Variants in NEDD4L observed in about 807,000 individuals in gnomAD.
NEDD4L encodes the protein NEDD4 like E3 ubiquitin protein ligase, also known as E3 ubiquitin-protein ligase NEDD4-like.
In NEDD4L, 54 loss-of-function variants were observed where a neutral mutation model predicts 148.9. That is an observed-to-expected ratio of 0.36 (90% CI 0.29 to 0.45). The LOEUF (loss-of-function observed/expected upper bound fraction) is 0.45, where lower values mean the gene tolerates loss of function less well. Ranked by LOEUF, NEDD4L falls within the 20% of genes least tolerant of loss-of-function variation. The pLI is 1.00. For missense variants in NEDD4L, 856 were observed against 1,233.8 expected, an observed-to-expected ratio of 0.69 and a Z score of 4.59; for synonymous variants, 433 against 440.7, an observed-to-expected ratio of 0.98 and a Z score of 0.22.
intron 5 of NEDD4L, chr18:58,255,516 G>C: frequency 8.1e-7 from 1 of 1,231,078 alleles, no homozygotes; most frequent in Non-Finnish European, 1.0e-6. Flanking sequence ...TCCCGGTGCC[G>C]CAGTGCTAAC....
At chr18:58,045,816 A>T (rs1425812740) in intron 1 of NEDD4L, 1 of 152,236 alleles carries the variant, frequency 6.6e-6, no homozygotes. Context: ...TGTGCATTTC[A>T]TGAAAAGTTG....
chr18:58,147,996 T>C (rs1331505239), intron 1 of NEDD4L, among the ~76,000 whole-genome samples: 1 of 151,990 alleles, frequency 6.6e-6, no homozygotes, highest in African/African-American at 2.4e-5. Flanking sequence ...GGTCAGGCCA[T>C]GTGCCCAGGG....
chr18:58,110,521 A>C (rs573603138), intron 1 of NEDD4L, among the ~76,000 whole-genome samples: 5 of 152,316 alleles, frequency 3.3e-5, no homozygotes, highest in East Asian at 1.9e-4. Context: ...AGCCAGGGTG[A>C]GACTCTCTGG....
intron 2 of NEDD4L, among the ~76,000 whole-genome samples, chr18:58,243,081 G>A (rs949952836): frequency 8.5e-5 from 13 of 152,196 alleles, no homozygotes; most frequent in Non-Finnish European, 1.8e-4. Context: ...GCTATTCAAG[G>A]GATACAGACT....
intron 2 of NEDD4L, among the ~76,000 whole-genome samples, chr18:58,185,994 A>C (rs1015239805): frequency 2.6e-5 from 4 of 152,314 alleles, no homozygotes; most frequent in African/African-American, 9.6e-5. Context: ...ACACGTACAG[A>C]GAAGGATGCA....
At position 58,044,678 on chromosome 18, in the gene NEDD4L, G is replaced by A. The variant is rs2081490055; in HGVS notation, c.18G>A (p.Gly6=). 6.2e-7 allele frequency: 1 copy of A among 1,605,008 alleles called. No individual in the cohort carries two copies. The change falls in exon 1 of 31, where the codon GGG becomes GGA. Residue 6 remains glycine (G), a synonymous_variant. Coordinates refer to ENST00000400345, the MANE Select transcript of NEDD4L (RefSeq NM_001144967.3). MATGL[G]EPVYGLSEDE... ...CCGGCTCCATGGCGACCGGGCTCGGGGAGCCGGTCTATGGACTTTCCGAAG... is the reference window on the plus strand; with the variant it reads ...CCGGCTCCATGGCGACCGGGCTCGGAGAGCCGGTCTATGGACTTTCCGAAG...
At chr18:58,074,519 C>T (rs2083064396) in intron 1 of NEDD4L, among the ~76,000 whole-genome samples, 1 of 149,792 alleles carries the variant, frequency 6.7e-6, no homozygotes, top group South Asian at 2.2e-4. Context: ...GTGATCCGCT[C>T]ACCTCGGCCT....
At chr18:58,195,574 C>G in intron 2 of NEDD4L, 1 of 1,339,832 alleles carries the variant, frequency 7.5e-7, no homozygotes, top group Non-Finnish European at 9.8e-7. Flanking sequence ...CAGCACGGCA[C>G]CTCCCACTCC....
intron 16 of NEDD4L, among the ~76,000 whole-genome samples, chr18:58,348,577 G>A (rs1193449631): frequency 6.6e-6 from 1 of 152,028 alleles, no homozygotes; most frequent in Non-Finnish European, 1.5e-5. Flanking sequence ...GCCTCCCAAA[G>A]TGCTGGGATT....
intron 2 of NEDD4L, among the ~76,000 whole-genome samples, chr18:58,184,471 C>T (rs552109582): frequency 2.0e-5 from 3 of 152,142 alleles, no homozygotes; most frequent in South Asian, 2.1e-4. Context: ...CATCCGTCAT[C>T]TTAGGAGGTA....
chr18:58,059,731 A>G (rs910004253), intron 1 of NEDD4L, among the ~76,000 whole-genome samples: 2 of 152,314 alleles, frequency 1.3e-5, no homozygotes, highest in South Asian at 4.1e-4. Context: ...GTTAGTAACA[A>G]TGTATTCTTC....
chr18:58,221,436 C>A, intron 2 of NEDD4L: 1 of 416,476 alleles, frequency 2.4e-6, no homozygotes, highest in African/African-American at 2.2e-5. Flanking sequence ...AATTGCTGAG[C>A]TGGGTGGAGC....
At chr18:58,064,562 A>G (rs543130454) in intron 1 of NEDD4L, among the ~76,000 whole-genome samples, 1 of 152,212 alleles carries the variant, frequency 6.6e-6, no homozygotes, top group East Asian at 1.9e-4. Flanking sequence ...TCCTTTATTC[A>G]AACTTCTCTT....
intron 1 of NEDD4L, among the ~76,000 whole-genome samples, chr18:58,114,340 T>TAA (rs747426397): frequency 2.8e-3 from 419 of 150,014 alleles, no homozygotes; most frequent in African/African-American, 6.8e-3. Flanking sequence ...TTGGGAGATT[T>TAA]AAAAAAAATA....
chr18:58,325,619 T>G (rs946224273), intron 9 of NEDD4L, among the ~76,000 whole-genome samples: 1 of 151,980 alleles, frequency 6.6e-6, no homozygotes, highest in Non-Finnish European at 1.5e-5. Flanking sequence ...ACCTCAAAAA[T>G]TTTTTTTTCT....
intron 2 of NEDD4L, among the ~76,000 whole-genome samples, chr18:58,184,670 T>G (rs558166637): frequency 2.6e-5 from 4 of 152,168 alleles, no homozygotes; most frequent in Non-Finnish European, 5.9e-5. Flanking sequence ...GGCTCACGCT[T>G]GTAATCCCAG....
Position 58,367,633 on chromosome 18 carries a change from G to A in NEDD4L, c.2064-113G>A, listed in dbSNP as rs547243048. The stretch of plus-strand genomic sequence containing the variant: ...TCTAGCCCACACATTTTCCCACTAG[G>A]TACAGAATGCTCGCAGGGACACTGT... On this transcript the variant is annotated intron_variant, in intron 21 of 30. Transcript: ENST00000400345. 911 of 1,149,366 alleles carry A rather than the reference G, an allele frequency of 7.9e-4. 1 individual carries two copies. The highest frequency in any genetic ancestry group is 1.1e-3 in the Admixed American group (54 of 50,336). The allele number at this position is 1,149,366 out of a possible 1,614,324, so 71.2% of individuals were successfully genotyped here.
chr18:58,078,047 T>C (rs1312223621), intron 1 of NEDD4L, among the ~76,000 whole-genome samples: 1 of 150,966 alleles, frequency 6.6e-6, no homozygotes, highest in Admixed American at 6.6e-5. Flanking sequence ...AAAAGAAAAT[T>C]GCTTGCTCCA....
intron 19 of NEDD4L, among the ~76,000 whole-genome samples, chr18:58,358,930 A>G (rs2045092832): frequency 6.6e-6 from 1 of 152,096 alleles, no homozygotes; most frequent in Admixed American, 6.6e-5. Flanking sequence ...TATTGTCTAG[A>G]GAATATTTAT....
Sources: gnomAD v4.1 joint callset for allele counts (sites outside exome capture counted in the v4.1 genomes callset) on GRCh38, gnomAD v4.1.1 for gene constraint, MANE v1.5 for transcripts, NCBI Gene and HGNC (gene_info 2026-07-23, HGNC 2026-07-21) for gene names.